The following SEMA6D variants were observed in gnomAD, a reference collection of about 807,000 sequenced individuals.
SEMA6D encodes semaphorin 6D, also known as semaphorin-6D.
SEMA6D carries 35 observed loss-of-function variants against 106.6 expected under a neutral mutation model. The ratio of observed to expected loss-of-function variants is 0.33; its 90% CI spans 0.25 to 0.44. The LOEUF (loss-of-function observed/expected upper bound fraction) is 0.44, where lower values mean the gene tolerates loss of function less well. SEMA6D is among the 20% of genes least tolerant of loss of function. SEMA6D has a pLI of 1.00. For synonymous variants in SEMA6D, 499 were observed against 487.7 expected (o/e 1.02, Z -0.31); for missense variants, 1,185 against 1,345.9 (o/e 0.88, Z 1.87).
At chr15:47,663,890 G>GT (rs956644569) in intron 4 of SEMA6D, among the ~76,000 whole-genome samples, 1 of 152,192 alleles carries the variant, frequency 6.6e-6, no homozygotes, top group African/African-American at 2.4e-5. Context: ...ATGTAAAGTG[G>GT]TTGCCCGTGG....
chr15:47,316,525 A>G (rs2036687121), intron 1 of SEMA6D, among the ~76,000 whole-genome samples: 1 of 150,876 alleles, frequency 6.6e-6, no homozygotes. Context: ...GTATGATGTT[A>G]GCTGTAGGAT....
At chr15:47,454,428 G>T (rs1338460533) in intron 2 of SEMA6D, among the ~76,000 whole-genome samples, 1 of 151,902 alleles carries the variant, frequency 6.6e-6, no homozygotes, top group South Asian at 2.1e-4. Flanking sequence ...GCAAATTTCT[G>T]GGGCAATAGA....
chr15:47,518,725 G>C (rs1486594321), intron 3 of SEMA6D, among the ~76,000 whole-genome samples: 1 of 152,184 alleles, frequency 6.6e-6, no homozygotes, highest in Non-Finnish European at 1.5e-5. Flanking sequence ...GGGTGAGTCA[G>C]TGAGTGAGTG....
At chr15:47,543,125 A>T (rs1362807780) in intron 3 of SEMA6D, among the ~76,000 whole-genome samples, 2 of 152,198 alleles carry the variant, frequency 1.3e-5, no homozygotes, top group Non-Finnish European at 2.9e-5. Context: ...CAATGCTTTA[A>T]CAATGTTGAC....
At chr15:47,230,038 G>C (rs2032081144) in intron 1 of SEMA6D, among the ~76,000 whole-genome samples, 1 of 152,034 alleles carries the variant, frequency 6.6e-6, no homozygotes. Flanking sequence ...AAATTTAACT[G>C]AAGTTTTATT....
chr15:47,383,019 G>A (rs2039697776), intron 1 of SEMA6D, among the ~76,000 whole-genome samples: 1 of 152,152 alleles, frequency 6.6e-6, no homozygotes, highest in Admixed American at 6.5e-5. Flanking sequence ...GCCCCCCTTG[G>A]CCTCCCAAAG....
intron 3 of SEMA6D, among the ~76,000 whole-genome samples, chr15:47,543,198 A>C (rs893907210): frequency 6.6e-6 from 1 of 152,116 alleles, no homozygotes; most frequent in South Asian, 2.1e-4. Context: ...GCTCATGATG[A>C]AGCATAGTGC....
chr15:47,629,381 A>C (rs2077256717), intron 4 of SEMA6D, among the ~76,000 whole-genome samples: 1 of 152,028 alleles, frequency 6.6e-6, no homozygotes, highest in African/African-American at 2.4e-5. Flanking sequence ...TGATATTCTT[A>C]CTATGCTGAG....
At chr15:47,715,736 G>A (rs759510937), upstream of SEMA6D, among the ~76,000 whole-genome samples, 15 of 152,284 alleles carry the variant, frequency 9.9e-5, no homozygotes, top group Non-Finnish European at 1.3e-4. Context: ...GAAAGCTGAC[G>A]ATTGTGGAAT....
At chr15:47,720,238 G>A (rs1042388074) in intron 1 of SEMA6D, among the ~76,000 whole-genome samples, 8 of 149,974 alleles carry the variant, frequency 5.3e-5, no homozygotes, top group African/African-American at 1.7e-4. Context: ...ATTCCTCGTA[G>A]GGATGCTATA....
intron 1 of SEMA6D, among the ~76,000 whole-genome samples, chr15:47,365,890 G>GAGAGAGAGAGAGAGA (rs1346586280): frequency 1.7e-5 from 2 of 119,746 alleles, no homozygotes; most frequent in African/African-American, 3.7e-5. Context: ...GAGAGAGAGA[G>GAGAGAGAGAGAGAGA]GAGAGAGAGA....
chr15:47,690,156 G>T lies in SEMA6D; in HGVS notation c.-54-69589G>T, dbSNP rs74602383. ...GTTTAGCCCATTGATGAAGTTATAG[G>T]CAGTAGGAAACAAGTTGCATCTACT... On this transcript the variant is annotated intron_variant, in intron 4 of 19. Coordinates refer to the SEMA6D transcript ENST00000558014. Among the ~76,000 whole-genome samples the T allele has an allele frequency of 5.1e-3, 775 of 152,302 alleles. 2 individuals are homozygous for T. The highest frequency in any genetic ancestry group is 0.01 in the Admixed American group (158 of 15,290).
intron 1 of SEMA6D, among the ~76,000 whole-genome samples, chr15:47,293,381 G>A (rs2035671701): frequency 6.6e-6 from 1 of 152,172 alleles, no homozygotes; most frequent in African/African-American, 2.4e-5. Context: ...TTACTGGGCT[G>A]TCTGCCTTTA....
chr15:47,479,289 T>C (rs1314770762), intron 3 of SEMA6D, among the ~76,000 whole-genome samples: 2 of 152,148 alleles, frequency 1.3e-5, no homozygotes, highest in African/African-American at 4.8e-5. Flanking sequence ...AAGCACAGCA[T>C]CAGTTGTTGG....
upstream of SEMA6D, among the ~76,000 whole-genome samples, chr15:47,716,156 C>T (rs893480311): frequency 2.0e-5 from 3 of 152,180 alleles, no homozygotes; most frequent in Admixed American, 2.0e-4. Context: ...CTTTCCGCCC[C>T]CTACTCTTTT....
chr15:47,628,176 T>C (rs536272630), intron 4 of SEMA6D, among the ~76,000 whole-genome samples: 1 of 152,166 alleles, frequency 6.6e-6, no homozygotes, highest in South Asian at 2.1e-4. Context: ...TTGGGGCTAT[T>C]ATAAATAAAA....
chr15:47,529,562 T>C (rs1030689644), intron 3 of SEMA6D, among the ~76,000 whole-genome samples: 12 of 149,152 alleles, frequency 8.0e-5, no homozygotes, highest in Admixed American at 1.3e-4. Flanking sequence ...TTCAAATTCT[T>C]CTGGATGTTT....
intron 1 of SEMA6D, among the ~76,000 whole-genome samples, chr15:47,722,359 G>A (rs185245684): frequency 6.6e-6 from 1 of 152,262 alleles, no homozygotes; most frequent in Admixed American, 6.5e-5. Context: ...ACCTTTTTTG[G>A]TGAACTGAGC....
intron 3 of SEMA6D, among the ~76,000 whole-genome samples, chr15:47,478,860 C>T (rs757908661): frequency 1.2e-4 from 18 of 152,062 alleles, no homozygotes; most frequent in East Asian, 3.9e-4. Context: ...TGACAGAAGA[C>T]GAAGGAGGGG....
Sources: allele counts gnomAD v4.1 joint callset (sites outside exome capture counted in the v4.1 genomes callset), GRCh38; gene constraint gnomAD v4.1.1; transcripts MANE v1.5; gene names NCBI Gene and HGNC (gene_info 2026-07-23, HGNC 2026-07-21).